Variants in UVRAG observed in about 807,000 individuals in gnomAD.
UVRAG encodes the protein UV radiation resistance-associated gene protein.
In UVRAG, 19 loss-of-function variants were observed where a neutral mutation model predicts 78.0. The ratio of observed to expected loss-of-function variants is 0.24; its 90% CI spans 0.17 to 0.36. UVRAG has a LOEUF of 0.36. UVRAG is among the 10% of genes least tolerant of loss of function. UVRAG has a pLI of 1.00. For synonymous variants in UVRAG, 323 were observed against 324.6 expected (o/e 1.00, Z 0.05); for missense variants, 740 against 853.8 (o/e 0.87, Z 1.66).
chr11:76,059,798 G>T (rs1290916356), intron 12 of UVRAG, among the ~76,000 whole-genome samples: 1 of 152,186 alleles, frequency 6.6e-6, no homozygotes, highest in Non-Finnish European at 1.5e-5. Context: ...AAGTAGTAAT[G>T]GCAAACTAGT....
rs114583613 is a variant in UVRAG at position 75,920,600 on chromosome 11, C to T, written c.593+8561C>T. Reference sequence around the variant, plus strand: ...TTCTTTAAGCCCTTTTCCCCCATTCCGCTGCCAGCAAACCACCCAAACACA... The same window carrying T: ...TTCTTTAAGCCCTTTTCCCCCATTCTGCTGCCAGCAAACCACCCAAACACA... On this transcript the variant is annotated intron_variant, in intron 6 of 14. Transcript: ENST00000356136. 4.3e-3 allele frequency among the ~76,000 whole-genome samples: 648 copies of T among 152,002 alleles called. 4 individuals are homozygous for T. Among genetic ancestry groups the T allele is most frequent in the African/African-American group, 0.015 (622 of 41,436 alleles).
intron 12 of UVRAG, among the ~76,000 whole-genome samples, chr11:76,025,246 C>G (rs1280072445): frequency 6.6e-6 from 1 of 152,134 alleles, no homozygotes; most frequent in African/African-American, 2.4e-5. Context: ...CTCCACCCCC[C>G]ACTTCTTTCA....
Position 75,877,762 on chromosome 11 carries a change from G to A in UVRAG, c.271-2117G>A, listed in dbSNP as rs1236042088. On this transcript the variant is annotated intron_variant, in intron 3 of 14. Transcript: ENST00000356136. ...TGACCCCCCCACTTCCCTCCCGGAC[G>A]GAGCGGCTGGCCAGGCAGAGGGGCT... Among the ~76,000 whole-genome samples the A allele has an allele frequency of 7.0e-5, 10 of 142,980 alleles. 1 individual carries two copies. Among genetic ancestry groups the A allele is most frequent in the Admixed American group, 1.3e-4 (2 of 14,862 alleles). 93.8% of individuals were successfully genotyped at this position (142,980 alleles called of 152,430 possible).
At chr11:75,888,541 C>T (rs182766914) in intron 4 of UVRAG, among the ~76,000 whole-genome samples, 78 of 152,296 alleles carry the variant, frequency 5.1e-4, no homozygotes, top group Admixed American at 3.9e-3. Flanking sequence ...CCCTATTGTT[C>T]AGGAATAGCC....
intron 2 of UVRAG, among the ~76,000 whole-genome samples, chr11:75,861,034 A>G (rs574178213): frequency 6.6e-6 from 1 of 152,242 alleles, no homozygotes; most frequent in South Asian, 2.1e-4. Flanking sequence ...AAGCAGAGGG[A>G]ATATTGGAAG....
At chr11:76,118,067 A>T (rs1952216187) in intron 14 of UVRAG, among the ~76,000 whole-genome samples, 1 of 152,232 alleles carries the variant, frequency 6.6e-6, no homozygotes, top group Admixed American at 6.5e-5. Flanking sequence ...CCTAACTATG[A>T]ACATGTTACA....
intron 5 of UVRAG, among the ~76,000 whole-genome samples, chr11:75,892,629 C>T (rs1054091403): frequency 2.0e-5 from 3 of 152,108 alleles, no homozygotes; most frequent in Admixed American, 6.5e-5. Context: ...AATATATGAT[C>T]GTAATTAGTG....
intron 13 of UVRAG, among the ~76,000 whole-genome samples, chr11:76,109,395 C>T (rs1952030804): frequency 6.6e-6 from 1 of 152,216 alleles, no homozygotes; most frequent in African/African-American, 2.4e-5. Flanking sequence ...TTCAGCTTAG[C>T]ACTCTTAGCC....
At chr11:76,127,220 A>G (rs1952418200) in intron 14 of UVRAG, among the ~76,000 whole-genome samples, 1 of 152,296 alleles carries the variant, frequency 6.6e-6, no homozygotes, top group South Asian at 2.1e-4. Flanking sequence ...GTAATGTCTG[A>G]AAGATGTGTT....
At chr11:75,898,714 A>G (rs1947411282) in intron 5 of UVRAG, among the ~76,000 whole-genome samples, 1 of 152,170 alleles carries the variant, frequency 6.6e-6, no homozygotes, top group Non-Finnish European at 1.5e-5. Flanking sequence ...CTGTGATTAT[A>G]TACTGTTAGC....
chr11:76,113,871 G>A (rs867262987), intron 13 of UVRAG, among the ~76,000 whole-genome samples: 3 of 152,034 alleles, frequency 2.0e-5, no homozygotes, highest in Non-Finnish European at 4.4e-5. Flanking sequence ...ATAGTACTAT[G>A]CAGCAAATGG....
Position 75,970,698 on chromosome 11 carries a change from A to C in UVRAG, c.699+9149A>C, listed in dbSNP as rs1176078349. Among the ~76,000 whole-genome samples the C allele has an allele frequency of 2.0e-5, 3 of 147,642 alleles. No homozygotes were observed. The East Asian group carries it at 6.0e-4, about 29-fold the overall frequency. Reference sequence around the variant, plus strand: ...CAGTGAGCTGAGATTGTGCCACTGCACTCCAGCCTGGGCAACAGAGCGAGA... The same window carrying C: ...CAGTGAGCTGAGATTGTGCCACTGCCCTCCAGCCTGGGCAACAGAGCGAGA... On this transcript the variant is annotated intron_variant, in intron 7 of 14. Transcript: ENST00000356136.
intron 3 of UVRAG, among the ~76,000 whole-genome samples, chr11:75,872,475 G>A (rs1946674560): frequency 6.7e-6 from 1 of 148,748 alleles, no homozygotes; most frequent in African/African-American, 2.5e-5. Context: ...TGCAACCTCT[G>A]CCTCCCAGGT....
chr11:76,007,739 C>A, intron 10 of UVRAG, 118 bp downstream of exon 10: 1 of 744,216 alleles, frequency 1.3e-6, no homozygotes, highest in Non-Finnish European at 2.2e-6. Flanking sequence ...TGTCATGATT[C>A]ATTCAGGAGC....
At chr11:76,006,015 G>A (rs1316749040) in intron 9 of UVRAG, among the ~76,000 whole-genome samples, 1 of 146,738 alleles carries the variant, frequency 6.8e-6, no homozygotes, top group African/African-American at 2.7e-5. Flanking sequence ...TCAGAGTTTG[G>A]TGGGTGGGGA....
In UVRAG at chr11:75,907,317, C is replaced by T. The variant is rs368498166; in HGVS notation, c.508-4637C>T. Among the ~76,000 whole-genome samples, 27 of 151,682 alleles carry T rather than the reference C, an allele frequency of 1.8e-4. 1 individual carries two copies. In the South Asian group the frequency reaches 5.2e-3, roughly 29 times the overall value. On this transcript the variant is annotated intron_variant, in intron 5 of 14. Transcript: ENST00000356136. ...TTGGGGGAAGATTTTGAGTCTTTCA[C>T]CATTGAGTATGGTGTTAGCTGTGGG...
chr11:75,965,805 A>G (rs904896301), intron 7 of UVRAG, among the ~76,000 whole-genome samples: 1 of 152,088 alleles, frequency 6.6e-6, no homozygotes, highest in Non-Finnish European at 1.5e-5. Context: ...TAACTTATTC[A>G]TTATGCTAGT....
At chr11:75,984,053 T>C (rs1408249766) in intron 8 of UVRAG, among the ~76,000 whole-genome samples, 1 of 152,242 alleles carries the variant, frequency 6.6e-6, no homozygotes, top group African/African-American at 2.4e-5. Context: ...TTTGATTTAA[T>C]GATGATTTAA....
At chr11:76,116,504 C>A (rs999746350) in intron 14 of UVRAG, among the ~76,000 whole-genome samples, 5 of 152,204 alleles carry the variant, frequency 3.3e-5, no homozygotes, top group Non-Finnish European at 7.3e-5. Flanking sequence ...TGTGTGGTGT[C>A]AGTACCTGTT....
Sources: gnomAD v4.1 joint callset for allele counts (sites outside exome capture counted in the v4.1 genomes callset) on GRCh38, gnomAD v4.1.1 for gene constraint, MANE v1.5 for transcripts, NCBI Gene and HGNC (gene_info 2026-07-23, HGNC 2026-07-21) for gene names.